The following PEAK1 variants were observed in gnomAD, a reference collection of about 807,000 sequenced individuals.
PEAK1 encodes pseudopodium enriched atypical kinase 1.
Under a neutral mutation model 124.7 loss-of-function variants are expected in PEAK1, and 54 were observed. The observed-to-expected ratio is 0.43, with a 90% CI of 0.35 to 0.54. The LOEUF (loss-of-function observed/expected upper bound fraction) is 0.54, where lower values mean the gene tolerates loss of function less well. PEAK1 is among the 20% of genes least tolerant of loss of function. The pLI, the probability that PEAK1 is intolerant of heterozygous loss-of-function variation, is 0.01. For synonymous variants in PEAK1, 719 were observed against 760.0 expected (o/e 0.95, Z 0.89); for missense variants, 2,046 against 2,134.5 (o/e 0.96, Z 0.82).
downstream of PEAK1, chr15:77,105,355 T>TGCGCGC (rs1272599235): frequency 5.1e-5 from 4 of 78,592 alleles, no homozygotes; most frequent in African/African-American, 1.7e-4. Context: ...TGTGTGTGTG[T>TGCGCGC]GTGCGCGCGT....
At chr15:77,271,139 T>C (rs955201487) in intron 5 of PEAK1, among the ~76,000 whole-genome samples, 1 of 152,084 alleles carries the variant, frequency 6.6e-6, no homozygotes, top group Non-Finnish European at 1.5e-5. Context: ...CAGACACTTC[T>C]CAAAAGAAGA....
At chr15:77,296,351 C>T (rs966484812) in intron 2 of PEAK1, among the ~76,000 whole-genome samples, 1 of 151,662 alleles carries the variant, frequency 6.6e-6, no homozygotes, top group South Asian at 2.1e-4. Flanking sequence ...GTGGCTCACG[C>T]CGGTAATCCC....
chr15:77,397,829 G>A (rs759664545), intron 1 of PEAK1, among the ~76,000 whole-genome samples: 1 of 152,228 alleles, frequency 6.6e-6, no homozygotes, highest in Middle Eastern at 3.4e-3. Context: ...GGAGGCCAAG[G>A]TGGGCGGATC....
At chr15:77,222,939 A>T (rs2059455103) in intron 6 of PEAK1, among the ~76,000 whole-genome samples, 1 of 152,086 alleles carries the variant, frequency 6.6e-6, no homozygotes, top group East Asian at 1.9e-4. Context: ...CTGCCACTCA[A>T]AATACAGTCC....
intron 5 of PEAK1, among the ~76,000 whole-genome samples, chr15:77,264,658 T>C (rs978919932): frequency 7.2e-5 from 11 of 152,054 alleles, no homozygotes; most frequent in South Asian, 2.1e-4. Flanking sequence ...AGAATCAATA[T>C]CGTGAAAATG....
chr15:77,404,969 C>T (rs908241685), intron 1 of PEAK1, among the ~76,000 whole-genome samples: 1 of 151,976 alleles, frequency 6.6e-6, no homozygotes, highest in African/African-American at 2.4e-5. Context: ...GATACATAAA[C>T]TACATCCCTA....
intron 2 of PEAK1, chr15:77,333,528 A>AT (rs2066016611): frequency 1.2e-6 from 1 of 856,756 alleles, no homozygotes; most frequent in African/African-American, 1.8e-5. Flanking sequence ...CCACTACTTG[A>AT]TTATATATTT....
At chr15:77,101,699 G>A (rs991440450) in exon 7 of PEAK1, 1 of 152,176 alleles carries the variant, frequency 6.6e-6, no homozygotes, top group African/African-American at 2.4e-5. Context: ...TGGGGAGGAG[G>A]GGGTCTTGGA....
At chr15:77,250,182 TATATATATAC>T (rs1402569833) in intron 6 of PEAK1, among the ~76,000 whole-genome samples, 1,322 of 112,248 alleles carry the variant, frequency 0.012, 25 homozygotes, top group African/African-American at 0.036. Context: ...TATGTATATG[TATATATATAC>T]ATATATATAC....
intron 1 of PEAK1, among the ~76,000 whole-genome samples, chr15:77,414,345 G>A (rs919418380): frequency 1.7e-4 from 25 of 150,602 alleles, no homozygotes; most frequent in African/African-American, 5.6e-4. Flanking sequence ...GAGTAGGTGG[G>A]ACTACAGGTG....
intron 6 of PEAK1, among the ~76,000 whole-genome samples, chr15:77,200,078 C>T (rs2058290049): frequency 6.6e-6 from 1 of 152,148 alleles, no homozygotes; most frequent in South Asian, 2.1e-4. Flanking sequence ...CTATTTCCAC[C>T]TGTTCAGTCT....
chr15:77,264,622 A>G (rs1234368526), intron 5 of PEAK1, among the ~76,000 whole-genome samples: 1 of 152,222 alleles, frequency 6.6e-6, no homozygotes, highest in Non-Finnish European at 1.5e-5. Context: ...AACAAATGGA[A>G]GAACATTCCA....
chr15:77,140,526 A>G (rs1274169794), intron 8 of PEAK1, among the ~76,000 whole-genome samples: 1 of 152,188 alleles, frequency 6.6e-6, no homozygotes, highest in Non-Finnish European at 1.5e-5. Flanking sequence ...CAGAAAAAAC[A>G]TTTGATAAAA....
intron 1 of PEAK1, among the ~76,000 whole-genome samples, chr15:77,383,374 G>A (rs982090434): frequency 6.6e-6 from 1 of 152,120 alleles, no homozygotes; most frequent in African/African-American, 2.4e-5. Context: ...ACTGCAATAG[G>A]AAATCTGCCT....
At chr15:77,332,468 C>T (rs957287572) in intron 2 of PEAK1, 10 of 164,356 alleles carry the variant, frequency 6.1e-5, no homozygotes, top group Non-Finnish European at 1.1e-4. Context: ...GGTGTGGTGG[C>T]GGGTGCCTGT....
intron 1 of PEAK1, among the ~76,000 whole-genome samples, chr15:77,394,685 C>T (rs1048934365): frequency 1.3e-5 from 2 of 152,108 alleles, no homozygotes; most frequent in Non-Finnish European, 2.9e-5. Context: ...ACAAATAAGC[C>T]CAGATTGCAA....
chr15:77,263,237 A>T (rs1368401022), intron 5 of PEAK1, among the ~76,000 whole-genome samples: 2 of 152,202 alleles, frequency 1.3e-5, no homozygotes, highest in Non-Finnish European at 2.9e-5. Flanking sequence ...AGTAGAAGGC[A>T]AGAAATAACT....
chr15:77,133,503 G>T lies in PEAK1; in HGVS notation c.3579C>A (p.Asn1193Lys), dbSNP rs77545975. Residue 1193 changes from asparagine (N) to lysine (K), a missense_variant, in exon 9 of 10, where the codon AAC becomes AAA. Coordinates refer to ENST00000682557, the MANE Select transcript of PEAK1 (RefSeq NM_001385026.1). This position sits in a 1 kb window ranked among gnomAD's most constrained non-coding sequence, Gnocchi z 4.2. Reference sequence around the variant, plus strand: ...AAGAACCAGCACTGCTGGCATCCCAGTTGGGGTCGATATCATAGGTGGGAT... The same window carrying T: ...AAGAACCAGCACTGCTGGCATCCCATTTGGGGTCGATATCATAGGTGGGAT... Reference protein sequence around the residue: ...MANPTYDIDPNWDASSAGSSI... With the variant: ...MANPTYDIDPKWDASSAGSSI... The T allele has an allele frequency of 1.2e-6, 2 of 1,614,088 alleles. No individual in the cohort carries two copies. Among genetic ancestry groups the T allele is most frequent in the African/African-American group, 2.7e-5 (2 of 74,928 alleles).
At chr15:77,206,229 T>C (rs1055114726) in intron 6 of PEAK1, among the ~76,000 whole-genome samples, 7 of 142,198 alleles carry the variant, frequency 4.9e-5, no homozygotes, top group Non-Finnish European at 1.5e-5. Flanking sequence ...TCTATCATTG[T>C]TGGACATTTG....
Sources: gnomAD v4.1 joint callset for allele counts (sites outside exome capture counted in the v4.1 genomes callset) on GRCh38, gnomAD v4.1.1 for gene constraint, Gnocchi (gnomAD v3.1) non-coding constraint, MANE v1.5 for transcripts, NCBI Gene and HGNC (gene_info 2026-07-23, HGNC 2026-07-21) for gene names.